The following LCOR variants were observed in gnomAD, a reference collection of about 807,000 sequenced individuals.
The protein encoded by LCOR is ligand dependent nuclear receptor corepressor.
A neutral mutation model predicts 64.4 loss-of-function variants in LCOR; 14 were observed. The observed-to-expected ratio is 0.22, with a 90% CI of 0.14 to 0.34. LCOR has a LOEUF of 0.34. Ranked by LOEUF, LCOR falls within the 10% of genes least tolerant of loss-of-function variation. The pLI, the probability that LCOR is intolerant of heterozygous loss-of-function variation, is 1.00. For synonymous variants in LCOR, 643 were observed against 642.5 expected (o/e 1.00, Z -0.01); for missense variants, 1,686 against 1,765.3 (o/e 0.96, Z 0.80).
At chr10:96,954,930 T>C (rs1847740835) in intron 7 of LCOR, 2 of 1,605,510 alleles carry the variant, frequency 1.2e-6, no homozygotes, top group African/African-American at 1.3e-5. Context: ...CCTGCTCACA[T>C]CAGTTTCCTT....
intron 2 of LCOR, among the ~76,000 whole-genome samples, chr10:96,842,858 T>C (rs918699717): frequency 6.6e-6 from 1 of 152,166 alleles, no homozygotes; most frequent in Non-Finnish European, 1.5e-5. Context: ...CTTGAACTCC[T>C]GACTGTGAGT....
At chr10:96,927,568 G>C (rs1473159617) in intron 4 of LCOR, among the ~76,000 whole-genome samples, 1 of 151,784 alleles carries the variant, frequency 6.6e-6, no homozygotes, top group Non-Finnish European at 1.5e-5. Flanking sequence ...AAAATCTCAT[G>C]TTTTCTTCTA....
At chr10:96,920,146 C>T (rs1305381448) in intron 4 of LCOR, among the ~76,000 whole-genome samples, 1 of 151,510 alleles carries the variant, frequency 6.6e-6, no homozygotes, top group African/African-American at 2.4e-5. Flanking sequence ...GCATTGTTGC[C>T]CTCATTTGTT....
At position 96,995,141 on chromosome 10, in the gene LCOR, C is replaced by T. The variant is rs1003966804; in HGVS notation, c.*10007C>T. 2.6e-5 allele frequency: 4 copies of T among 152,218 alleles called. No individual in the cohort carries two copies. Among genetic ancestry groups the T allele is most frequent in the Non-Finnish European group, 5.9e-5 (4 of 68,048 alleles). The allele number at this position is 152,218 out of a possible 1,614,324, so 9.4% of individuals were successfully genotyped here. A position where few individuals can be genotyped will look rare whatever the true frequency, so the allele number is the denominator to read the frequency against. Reference sequence around the variant, plus strand: ...GGGGCTGCTGATCCGGCTGTGGATTCAGGGAGCTCTAAAATGAATCTCTAC... The same window carrying T: ...GGGGCTGCTGATCCGGCTGTGGATTTAGGGAGCTCTAAAATGAATCTCTAC... On this transcript the variant is annotated 3_prime_UTR_variant, in exon 8 of 8. Transcript: ENST00000421806. The surrounding 1 kb of genome is among the most constrained non-coding windows in gnomAD (Gnocchi z 4.2).
In LCOR at chr10:96,981,966, A is replaced by C. The variant is rs1204951339; in HGVS notation, c.1506A>C (p.Arg502=). 2.5e-6 allele frequency: 4 copies of C among 1,614,126 alleles called. No homozygotes were observed. In the South Asian group the frequency reaches 4.4e-5, roughly 18 times the overall value. The stretch of plus-strand genomic sequence containing the variant: ...GGAAAACAGCCAGAAAGAGTACTCG[A>C]GGATACTTTTTCAATGGTGACTGTT... The part of the protein sequence containing the change: ...SSRKTARKST[R]GYFFNGDCCE... The change falls in exon 8 of 8, where the codon CGA becomes CGC. Residue 502 remains arginine, a synonymous_variant. Transcript: ENST00000421806.
intron 4 of LCOR, among the ~76,000 whole-genome samples, chr10:96,925,276 A>G (rs1368452738): frequency 1.3e-5 from 2 of 152,058 alleles, no homozygotes; most frequent in African/African-American, 2.4e-5. Flanking sequence ...GGGTTTCACC[A>G]TGTTGGCCAG....
intron 4 of LCOR, among the ~76,000 whole-genome samples, chr10:96,910,627 G>A (rs966134915): frequency 6.6e-6 from 1 of 152,192 alleles, no homozygotes; most frequent in Admixed American, 6.5e-5. Context: ...CCGTTGGACT[G>A]AGGCTTGCAT....
chr10:96,937,687 AT>A (rs1262585371), intron 4 of LCOR, among the ~76,000 whole-genome samples: 11 of 152,150 alleles, frequency 7.2e-5, no homozygotes, highest in Non-Finnish European at 1.5e-4. Flanking sequence ...TTAAAGACAA[AT>A]TAATACCATT....
chr10:96,985,149 G>GC lies in LCOR; in HGVS notation c.*17dup. ...ATGCAAAGTGATTGGAAAGATGGTAGCCAAGAGTAAAACTGTTCTATAGAA... is the reference window on the plus strand; with the variant it reads ...ATGCAAAGTGATTGGAAAGATGGTAGCCCAAGAGTAAAACTGTTCTATAGAA... On this transcript the variant is annotated 3_prime_UTR_variant, in exon 8 of 8. Coordinates refer to ENST00000421806, the MANE Select transcript of LCOR (RefSeq NM_001346516.2). 2 of 1,578,602 alleles carry GC rather than the reference G, an allele frequency of 1.3e-6. No homozygotes were observed. Among genetic ancestry groups the GC allele is most frequent in the Non-Finnish European group, 1.7e-6 (2 of 1,166,996 alleles).
At chr10:96,955,547 C>T (rs770372155) in intron 7 of LCOR, 32 of 1,614,118 alleles carry the variant, frequency 2.0e-5, no homozygotes, top group Middle Eastern at 3.3e-4. Context: ...ATGCTGGACC[C>T]GATTCTTGGG....
chr10:96,838,010 A>G (rs1845476292), intron 2 of LCOR, among the ~76,000 whole-genome samples: 1 of 152,226 alleles, frequency 6.6e-6, no homozygotes, highest in African/African-American at 2.4e-5. Flanking sequence ...TACTGTATAA[A>G]TTATTTTCTA....
chr10:96,981,290 C>G lies in LCOR; in HGVS notation c.830C>G (p.Ser277Cys). The G allele has an allele frequency of 7.2e-7, 1 of 1,398,460 alleles. No individual in the cohort carries two copies. Among genetic ancestry groups the G allele is most frequent in the South Asian group, 1.2e-5 (1 of 85,288 alleles). The allele number at this position is 1,398,460 out of a possible 1,614,324, so 86.6% of individuals were successfully genotyped here. Residue 277 changes from serine (S) to cysteine (C), a missense_variant, in exon 8 of 8, where the codon TCC becomes TGC. Ser to Cys is a moderately radical substitution (Grantham distance 112, BLOSUM62 -1). Coordinates refer to ENST00000421806, the MANE Select transcript of LCOR (RefSeq NM_001346516.2). The stretch of plus-strand genomic sequence containing the variant: ...GGATACCTCACTGCATCTAATTGTT[C>G]CTCAGTGAACTTCCACCACATCCCT... The part of the protein sequence containing the change: ...TPGYLTASNC[S>C]SVNFHHIPKI...
At chr10:96,855,539 A>G (rs978694948) in intron 2 of LCOR, among the ~76,000 whole-genome samples, 1 of 151,524 alleles carries the variant, frequency 6.6e-6, no homozygotes, top group Non-Finnish European at 1.5e-5. Flanking sequence ...GATTCAAGCA[A>G]TTCTCCTGCC....
rs752894200 is a variant in LCOR, at chr10:96,981,817, C to T, written c.1357C>T (p.Arg453Trp). Residue 453 changes from arginine (R) to tryptophan (W), a missense_variant, in exon 8 of 8, where the codon CGG becomes TGG. By Grantham distance (101) the Arg-to-Trp change is moderately radical. Around this residue, in one of 3 missense-constraint regions of LCOR, gnomAD observed 1,293 missense variants for 1,410.4 expected, o/e 0.92. Transcript: ENST00000421806. The stretch of plus-strand genomic sequence containing the variant: ...GATATCAACCTCCATCAAGACAGCT[C>T]GGAAAAGTAAAAGGGCATCAGGGCT... Reference protein sequence around the residue: ...KMISTSIKTARKSKRASGLRI... With the variant: ...KMISTSIKTAWKSKRASGLRI... 4.3e-6 allele frequency: 7 copies of T among 1,613,978 alleles called. No homozygotes were observed. Among genetic ancestry groups the T allele is most frequent in the South Asian group, 1.1e-5 (1 of 91,076 alleles).
chr10:96,866,394 T>A (rs1018997442), intron 2 of LCOR, among the ~76,000 whole-genome samples: 6 of 152,234 alleles, frequency 3.9e-5, no homozygotes, highest in Non-Finnish European at 8.8e-5. Context: ...TCAGTTCGTT[T>A]ATCCATTCTT....
chr10:96,841,685 A>T (rs1019325195), intron 2 of LCOR, among the ~76,000 whole-genome samples: 4 of 151,940 alleles, frequency 2.6e-5, no homozygotes, highest in Admixed American at 2.0e-4. Context: ...GGATTAGAAG[A>T]TGTTGTGAAC....
At chr10:96,972,283 C>G (rs1025515921) in intron 7 of LCOR, among the ~76,000 whole-genome samples, 1 of 152,030 alleles carries the variant, frequency 6.6e-6, no homozygotes, top group African/African-American at 2.4e-5. Flanking sequence ...CCTCTGAACC[C>G]TCCCTTTTTT....
At chr10:96,969,500 A>C (rs1041502023) in intron 7 of LCOR, among the ~76,000 whole-genome samples, 3 of 152,208 alleles carry the variant, frequency 2.0e-5, no homozygotes, top group African/African-American at 7.2e-5. Context: ...ATTGTATACA[A>C]AATTTTTTGT....
At chr10:96,832,754 C>CCGG (rs1349639094) in intron 1 of LCOR, among the ~76,000 whole-genome samples, 6 of 150,964 alleles carry the variant, frequency 4.0e-5, no homozygotes, top group Non-Finnish European at 8.9e-5. Context: ...GGCGCCGCCG[C>CCGG]CGGCTTATTG....
Sources: allele counts gnomAD v4.1 joint callset (sites outside exome capture counted in the v4.1 genomes callset), GRCh38; gene constraint gnomAD v4.1.1; regional missense constraint gnomAD v4.1.1; non-coding constraint Gnocchi (gnomAD v3.1); transcripts MANE v1.5; gene names NCBI Gene and HGNC (gene_info 2026-07-23, HGNC 2026-07-21).